Variants in SNX29 observed in about 807,000 individuals in gnomAD.
SNX29 encodes sorting nexin-29.
SNX29 carries 78 observed loss-of-function variants against 102.1 expected under a neutral mutation model. That is an observed-to-expected ratio of 0.76 (90% confidence interval 0.64 to 0.92). The LOEUF is 0.92. Among genes scored for constraint, SNX29 ranks in the 40% least tolerant of loss-of-function variants. The pLI, the probability that SNX29 is intolerant of heterozygous loss-of-function variation, is 0.00. For missense variants in SNX29, 1,280 were observed against 1,061.7 expected (o/e 1.21, Z -2.86); for synonymous variants, 580 against 414.5 (o/e 1.40, Z -4.85).
intron 20 of SNX29, among the ~76,000 whole-genome samples, chr16:12,526,133 C>T (rs764273777): frequency 2.0e-5 from 3 of 152,200 alleles, no homozygotes; most frequent in Non-Finnish European, 4.4e-5. Context: ...TCGAGAAGCA[C>T]TGTTCTGGGT....
intron 20 of SNX29, among the ~76,000 whole-genome samples, chr16:12,568,066 A>C (rs963197170): frequency 2.2e-4 from 33 of 152,138 alleles, no homozygotes; most frequent in African/African-American, 7.0e-4. Flanking sequence ...TCTTAGGATT[A>C]ATTCCACAGG....
chr16:12,516,802 C>A (rs1282998885), intron 19 of SNX29, among the ~76,000 whole-genome samples: 3 of 152,184 alleles, frequency 2.0e-5, no homozygotes, highest in Non-Finnish European at 2.9e-5. Flanking sequence ...GGGAGCGGGA[C>A]ATGCGTTGCA....
intron 15 of SNX29, among the ~76,000 whole-genome samples, chr16:12,289,907 G>T (rs549312954): frequency 1.3e-5 from 2 of 152,056 alleles, no homozygotes; most frequent in African/African-American, 4.8e-5. Context: ...GTATACACCC[G>T]GCGAAGGGGC....
chr16:12,551,718 G>A (rs942746268), intron 20 of SNX29, among the ~76,000 whole-genome samples: 1 of 152,336 alleles, frequency 6.6e-6, no homozygotes, highest in South Asian at 2.1e-4. Context: ...GCCAACTTGT[G>A]AATGGGGACA....
At chr16:12,529,877 C>T (rs1275132678) in intron 20 of SNX29, among the ~76,000 whole-genome samples, 2 of 152,184 alleles carry the variant, frequency 1.3e-5, no homozygotes, top group Non-Finnish European at 2.9e-5. Flanking sequence ...CAACTTTTGA[C>T]TTCCCTTGTT....
chr16:12,280,894 G>C (rs1294616394), intron 15 of SNX29, among the ~76,000 whole-genome samples: 1 of 152,174 alleles, frequency 6.6e-6, no homozygotes, highest in Non-Finnish European at 1.5e-5. Flanking sequence ...AAAGGAAGAA[G>C]AAGAAACATT....
intron 19 of SNX29, among the ~76,000 whole-genome samples, chr16:12,519,332 G>T (rs996039463): frequency 3.9e-5 from 6 of 152,156 alleles, no homozygotes; most frequent in African/African-American, 1.4e-4. Flanking sequence ...GAACAGTATT[G>T]CATTCAACCT....
chr16:12,230,218 C>T (rs2077728759), intron 14 of SNX29, among the ~76,000 whole-genome samples: 1 of 152,236 alleles, frequency 6.6e-6, no homozygotes, highest in Non-Finnish European at 1.5e-5. Flanking sequence ...GTCTTGAAAG[C>T]TTCTGAAGCT....
chr16:12,530,880 G>A (rs2076913576), intron 20 of SNX29, among the ~76,000 whole-genome samples: 1 of 152,086 alleles, frequency 6.6e-6, no homozygotes, highest in African/African-American at 2.4e-5. Flanking sequence ...AATAAAACTG[G>A]CTCAGTCCTT....
At chr16:12,562,486 G>A (rs1598074240) in intron 20 of SNX29, among the ~76,000 whole-genome samples, 1 of 152,204 alleles carries the variant, frequency 6.6e-6, no homozygotes, top group African/African-American at 2.4e-5. Context: ...TCGAGTCCTA[G>A]AAAGGAGCAT....
rs1427324479 is a variant in SNX29 at position 12,043,045 on chromosome 16, G to T, written c.396G>T (p.Leu132=). The change falls in exon 5 of 21, where the codon CTG becomes CTT. Residue 132 remains leucine, a synonymous_variant. Coordinates refer to ENST00000566228, the MANE Select transcript of SNX29 (RefSeq NM_032167.5). ...ALNEHSLERY[L]HMLLADRCRL... ...ACGAACACTCCCTGGAGCGCTACCT[G>T]CACATGCTCCTGGCCGACCGCTGCA... The T allele has an allele frequency of 5.0e-6, 8 of 1,613,502 alleles. No homozygotes were observed. The highest frequency in any genetic ancestry group is 2.2e-5 in the East Asian group (1 of 44,884).
chr16:12,293,306 T>C (rs2079863750), intron 15 of SNX29, among the ~76,000 whole-genome samples: 1 of 152,184 alleles, frequency 6.6e-6, no homozygotes, highest in East Asian at 1.9e-4. Flanking sequence ...TGGTGGATGC[T>C]GAGGCTCAGA....
chr16:12,551,065 T>A (rs180800784), intron 20 of SNX29, among the ~76,000 whole-genome samples: 2 of 152,060 alleles, frequency 1.3e-5, no homozygotes, highest in Non-Finnish European at 2.9e-5. Flanking sequence ...AAGTGGGGTG[T>A]TTTCATCTCC....
chr16:12,554,938 G>T (rs7195739), intron 20 of SNX29, among the ~76,000 whole-genome samples: 2 of 151,656 alleles, frequency 1.3e-5, no homozygotes, highest in Non-Finnish European at 2.9e-5. Context: ...CAGCAAGCAC[G>T]GCCTCTGGAG....
chr16:12,477,779 A>C lies in SNX29; in HGVS notation c.2098A>C (p.Ser700Arg). The change falls in exon 19 of 21, where the codon AGT becomes CGT. Residue 700 changes from serine to arginine, a missense_variant. Physicochemically the swap from Ser to Arg is moderately radical, Grantham distance 110 (BLOSUM62 -1). Coordinates refer to ENST00000566228, the MANE Select transcript of SNX29 (RefSeq NM_032167.5). ...NIYRRYTEFR[S>R]LHHKLQNKYP... is the part of the protein sequence containing the mutation. ...TTATCGCCGGTATACAGAGTTCAGG[A>C]GTTTGCACCACAAGTTACAAAACAA... 6.2e-7 allele frequency: 1 copy of C among 1,613,588 alleles called. No individual in the cohort carries two copies. Among genetic ancestry groups the C allele is most frequent in the Non-Finnish European group, 8.5e-7 (1 of 1,179,764 alleles).
At chr16:12,178,068 A>G (rs529698733) in intron 13 of SNX29, among the ~76,000 whole-genome samples, 1 of 152,260 alleles carries the variant, frequency 6.6e-6, no homozygotes, top group African/African-American at 2.4e-5. Flanking sequence ...TAAATGCTCT[A>G]TGTCATCTTA....
chr16:12,536,154 A>C (rs373416240), intron 20 of SNX29, among the ~76,000 whole-genome samples: 109 of 152,320 alleles, frequency 7.2e-4, no homozygotes, highest in African/African-American at 2.3e-3. Flanking sequence ...CTGTGAGCGC[A>C]GAATCTCCTG....
chr16:12,478,847 C>T (rs1307201719), intron 19 of SNX29, among the ~76,000 whole-genome samples: 1 of 152,152 alleles, frequency 6.6e-6, no homozygotes. Flanking sequence ...ATGAATAGTT[C>T]TCTAAGTGAT....
chr16:12,046,384 C>A lies in SNX29; in HGVS notation c.429C>A (p.Ser143Arg). ...HMLLADRCRL[S>R]TFYEDWSFVM... ...TTTCCTTTTCTCTTTCAATCTGCAG[C>A]ACTTTTTATGAAGACTGGTCTTTTG... The change falls in exon 6 of 21, where the codon AGC becomes AGA. Residue 143 changes from serine (S) to arginine (R), a missense_variant and splice_region_variant. Physicochemically the swap from Ser to Arg is moderately radical, Grantham distance 110. Transcript: ENST00000566228. 6.2e-7 allele frequency: 1 copy of A among 1,613,620 alleles called. No homozygotes were observed. Among genetic ancestry groups the A allele is most frequent in the Non-Finnish European group, 8.5e-7 (1 of 1,179,598 alleles).
Sources: allele counts gnomAD v4.1 joint callset (sites outside exome capture counted in the v4.1 genomes callset), GRCh38; gene constraint gnomAD v4.1.1; transcripts MANE v1.5; gene names NCBI Gene and HGNC (gene_info 2026-07-23, HGNC 2026-07-21).